Variants in NUP54 observed in about 807,000 individuals in gnomAD.
NUP54 encodes the protein nucleoporin 54, also known as nucleoporin p54.
Under a neutral mutation model 66.4 loss-of-function variants are expected in NUP54, and 27 were observed. That is an observed-to-expected ratio of 0.41 (90% confidence interval 0.30 to 0.56). The LOEUF (loss-of-function observed/expected upper bound fraction) is 0.56, where lower values mean the gene tolerates loss of function less well. Ranked by LOEUF, NUP54 falls within the 20% of genes least tolerant of loss-of-function variation. NUP54 has a pLI of 0.34. For missense variants in NUP54, 486 were observed against 596.3 expected (o/e 0.82, Z 1.93); for synonymous variants, 206 against 210.7 (o/e 0.98, Z 0.19).
intron 3 of NUP54, among the ~76,000 whole-genome samples, chr4:76,139,639 G>A (rs1389223378): frequency 1.3e-5 from 2 of 152,070 alleles, no homozygotes; most frequent in Non-Finnish European, 2.9e-5. Context: ...AGACAAATAG[G>A]GAACTCTGGT....
intron 9 of NUP54, 190 bp from the exon 10 acceptor site, chr4:76,118,384 T>C (rs62299342): frequency 8.7e-6 from 5 of 572,968 alleles, no homozygotes; most frequent in South Asian, 2.0e-5. Context: ...TACAATGATA[T>C]AGACTTAATT....
chr4:76,144,015 A>G (rs990093332), intron 3 of NUP54, 134 bp downstream of exon 3: 1 of 912,390 alleles, frequency 1.1e-6, no homozygotes, highest in Non-Finnish European at 1.7e-6. Flanking sequence ...TAAACATGAA[A>G]AGTAACATTC....
At position 76,114,666 on chromosome 4, in the gene NUP54, AAAGT is replaced by A. The variant is rs1224626160; in HGVS notation, c.*696_*699del. 1.3e-5 allele frequency: 2 copies of A among 152,208 alleles called. No homozygotes were observed. Among genetic ancestry groups the A allele is most frequent in the African/African-American group, 4.8e-5 (2 of 41,452 alleles). 9.4% of individuals were successfully genotyped at this position (152,208 alleles called of 1,614,324 possible). A position where few individuals can be genotyped will look rare whatever the true frequency, so the allele number is the denominator to read the frequency against. On this transcript the variant is annotated 3_prime_UTR_variant, in exon 12 of 12. Transcript: ENST00000264883. The stretch of plus-strand genomic sequence containing the variant: ...ATAAAGCACCAGACAGAATTATATA[AAAGT>A]AATTACAAATTAAGAATTTATTTAT...
rs1730851403 is a variant in NUP54, at chr4:76,132,598, C to G, written c.832G>C (p.Gly278Arg). 6.2e-7 allele frequency: 1 copy of G among 1,613,908 alleles called. No homozygotes were observed. Among genetic ancestry groups the G allele is most frequent in the Non-Finnish European group, 8.5e-7 (1 of 1,180,006 alleles). Residue 278 changes from glycine to arginine, a missense_variant, in exon 6 of 12, where the codon GGT (glycine) becomes CGT (arginine). By Grantham distance (125) the Gly-to-Arg change is moderately radical (BLOSUM62 -2). Around this residue, in one of 4 missense-constraint regions of NUP54, gnomAD observed 217 missense variants for 247.9 expected, o/e 0.88. Coordinates refer to ENST00000264883, the MANE Select transcript of NUP54 (RefSeq NM_017426.4). ...GTTCTAGTCATAGAAAGGGTTACAC[C>G]AAGTTGCTGCAATTGTGTTTTTATA... is the stretch of plus-strand genomic sequence containing the variant. ...ANIKTQLQQL[G>R]VTLSMTRTEL... is the part of the protein sequence containing the mutation.
intron 1 of NUP54, among the ~76,000 whole-genome samples, chr4:76,145,086 A>T (rs1731428758): frequency 6.6e-6 from 1 of 151,894 alleles, no homozygotes; most frequent in South Asian, 2.1e-4. Flanking sequence ...TGGGAGGCCG[A>T]GGGGGGTGGA....
intron 8 of NUP54, among the ~76,000 whole-genome samples, chr4:76,128,512 T>C (rs187846979): frequency 6.6e-6 from 1 of 152,260 alleles, no homozygotes; most frequent in African/African-American, 2.4e-5. Context: ...CCAAACTTTT[T>C]GCTGTCTACA....
At chr4:76,145,595 G>A in intron 1 of NUP54, 2 of 1,269,608 alleles carry the variant, frequency 1.6e-6, no homozygotes, top group Non-Finnish European at 2.0e-6. Context: ...GAAGAGATTT[G>A]ACAGATAAAT....
At position 76,132,568 on chromosome 4, in the gene NUP54, G is replaced by C; in HGVS notation, c.862C>G (p.Leu288Val). Residue 288 changes from leucine to valine, a missense_variant, in exon 6 of 12, where the codon CTT becomes GTT. Transcript: ENST00000264883. ...AGCTGTTTGATCTGTGCAGGAGAAA[G>C]TTCTGTTCTAGTCATAGAAAGGGTT... ...GVTLSMTRTE[L>V]SPAQIKQLLQ... is the part of the protein sequence containing the mutation. The C allele has an allele frequency of 6.2e-7, 1 of 1,613,916 alleles. No individual in the cohort carries two copies. The highest frequency in any genetic ancestry group is 8.5e-7 in the Non-Finnish European group (1 of 1,179,940).
intron 8 of NUP54, among the ~76,000 whole-genome samples, chr4:76,128,561 A>G (rs1730644370): frequency 6.6e-6 from 1 of 152,248 alleles, no homozygotes; most frequent in Non-Finnish European, 1.5e-5. Context: ...GGTAGGTTAA[A>G]AGCAAAAAGA....
chr4:76,125,415 CTTGAGACCAGGATTT>C (rs1730438755), intron 8 of NUP54, among the ~76,000 whole-genome samples: 1 of 151,502 alleles, frequency 6.6e-6, no homozygotes, highest in Middle Eastern at 3.2e-3. Context: ...AAGAGGAGTG[CTTGAGACCAGGATTT>C]TGAGACAAGC....
chr4:76,130,807 A>C (rs1730769212), intron 7 of NUP54, 58 bp from the exon 8 acceptor site: 2 of 1,133,482 alleles, frequency 1.8e-6, no homozygotes, highest in East Asian at 4.7e-5. Context: ...AAAATACAAG[A>C]AGTGAAGGTT....
chr4:76,140,095 G>C (rs1731202059), intron 3 of NUP54, among the ~76,000 whole-genome samples: 2 of 152,080 alleles, frequency 1.3e-5, no homozygotes, highest in Non-Finnish European at 2.9e-5. Flanking sequence ...CTTAAATGTG[G>C]ATGAGAAGGT....
At chr4:76,120,266 G>A (rs187475013) in intron 9 of NUP54, among the ~76,000 whole-genome samples, 2 of 152,162 alleles carry the variant, frequency 1.3e-5, no homozygotes, top group Admixed American at 6.5e-5. Context: ...AAGTATGTAC[G>A]TTTTCAGTTC....
intron 8 of NUP54, among the ~76,000 whole-genome samples, chr4:76,129,782 G>A (rs1479368288): frequency 6.8e-6 from 1 of 147,652 alleles, no homozygotes; most frequent in African/African-American, 2.5e-5. Context: ...GGAGAATGGC[G>A]TGAACTCAGG....
intron 4 of NUP54, among the ~76,000 whole-genome samples, chr4:76,135,477 T>C (rs1021855779): frequency 2.0e-5 from 3 of 152,348 alleles, no homozygotes; most frequent in African/African-American, 7.2e-5. Context: ...ATACTTTTTG[T>C]TAGTGATGAC....
intron 8 of NUP54, among the ~76,000 whole-genome samples, chr4:76,125,501 GC>G (rs1730443466): frequency 6.7e-6 from 1 of 149,334 alleles, no homozygotes; most frequent in South Asian, 2.1e-4. Context: ...CAGGTGTAGT[GC>G]TACATGCCTG....
At position 76,134,366 on chromosome 4, in the gene NUP54, T is replaced by C. The variant is rs967501938; in HGVS notation, c.523-4A>G. On this transcript the variant is annotated splice_region_variant and splice_polypyrimidine_tract_variant and intron_variant, in intron 4 of 11. Coordinates refer to ENST00000264883, the MANE Select transcript of NUP54 (RefSeq NM_017426.4). Reference sequence around the variant, plus strand: ...GCATGCAACTATAACCTACTGCCTGTGGAATGACAAAATAAACAATATAAA... The same window carrying C: ...GCATGCAACTATAACCTACTGCCTGCGGAATGACAAAATAAACAATATAAA... The C allele has an allele frequency of 6.2e-7, 1 of 1,605,982 alleles. No homozygotes were observed. Among genetic ancestry groups the C allele is most frequent in the African/African-American group, 1.3e-5 (1 of 74,384 alleles).
chr4:76,125,970 C>A (rs1730522820), intron 8 of NUP54, among the ~76,000 whole-genome samples: 1 of 151,884 alleles, frequency 6.6e-6, no homozygotes, highest in Admixed American at 6.6e-5. Context: ...TGGAATACAG[C>A]CAACAACCAG....
At position 76,118,194 on chromosome 4, in the gene NUP54, C is replaced by A. The variant is rs1560673009; in HGVS notation, c.1165G>T (p.Val389Phe). 6.2e-7 allele frequency: 1 copy of A among 1,612,716 alleles called. No individual in the cohort carries two copies. The highest frequency in any genetic ancestry group is 2.2e-5 in the East Asian group (1 of 44,840). Residue 389 changes from valine (V) to phenylalanine (F), a missense_variant and splice_region_variant, in exon 10 of 12, where the codon GTC (valine) becomes TTC (phenylalanine). This residue lies in a region of NUP54 where 217 missense variants were observed against 247.9 expected (regional missense o/e 0.88). Coordinates refer to ENST00000264883, the MANE Select transcript of NUP54 (RefSeq NM_017426.4). ...LMDLSHRTLQ[V>F]LIKQEIQRKS... is the part of the protein sequence containing the mutation. The stretch of plus-strand genomic sequence containing the variant: ...CTTTGAATTTCCTGTTTGATTAGGA[C>A]CTATACAAATAAAAACCACCAATAA...
Sources: gnomAD v4.1 joint callset for allele counts (sites outside exome capture counted in the v4.1 genomes callset) on GRCh38, gnomAD v4.1.1 for gene constraint, gnomAD v4.1.1 regional missense constraint, MANE v1.5 for transcripts, NCBI Gene and HGNC (gene_info 2026-07-23, HGNC 2026-07-21) for gene names.